FAM83B: variants seen among roughly 807,000 people sequenced by gnomAD.
The protein encoded by FAM83B is scaffolding CK1 anchoring protein B, also known as protein FAM83B.
A neutral mutation model predicts 38.8 loss-of-function variants in FAM83B; 26 were observed. That is an observed-to-expected ratio of 0.67 (90% CI 0.49 to 0.93). FAM83B has a LOEUF of 0.93. Ranked by LOEUF, FAM83B falls within the 40% of genes least tolerant of loss-of-function variation. FAM83B has a pLI of 0.00. For missense variants in FAM83B, 1,237 were observed against 1,197.3 expected, an observed-to-expected ratio of 1.03 and a Z score of -0.49; for synonymous variants, 419 against 423.1, an observed-to-expected ratio of 0.99 and a Z score of 0.12.
At position 54,941,213 on chromosome 6, in the gene FAM83B, A is replaced by G. The variant is rs1773680091; in HGVS notation, c.2242A>G (p.Lys748Glu). ...VSIAALLDVNKEESNKELASK... is the reference protein window; with the variant it reads ...VSIAALLDVNEEESNKELASK... ...CATTGCTGCTTTACTTGATGTGAAT[A>G]AAGAGGAATCTAACAAAGAACTTGC... is the stretch of plus-strand genomic sequence containing the variant. Residue 748 changes from lysine to glutamate, a missense_variant, in exon 5 of 5, where the codon AAA becomes GAA. Lys to Glu is a moderately conservative substitution (Grantham distance 56). Coordinates refer to ENST00000306858, the MANE Select transcript of FAM83B (RefSeq NM_001010872.3). 15 of 1,614,038 alleles carry G rather than the reference A, an allele frequency of 9.3e-6. No homozygotes were observed. Among genetic ancestry groups the G allele is most frequent in the Non-Finnish European group, 1.1e-5 (13 of 1,179,978 alleles).
chr6:54,939,030 T>C (rs1773593007), intron 4 of FAM83B, among the ~76,000 whole-genome samples: 1 of 152,100 alleles, frequency 6.6e-6, no homozygotes, highest in South Asian at 2.1e-4. Context: ...CTTGAGTCGA[T>C]TTTTGCTTAA....
At chr6:54,896,190 A>G (rs960788945) in intron 2 of FAM83B, among the ~76,000 whole-genome samples, 1 of 152,162 alleles carries the variant, frequency 6.6e-6, no homozygotes. Flanking sequence ...GTGCCTGGCA[A>G]CATGGCATAG....
At chr6:54,922,899 G>T (rs1773201930) in intron 2 of FAM83B, among the ~76,000 whole-genome samples, 1 of 151,514 alleles carries the variant, frequency 6.6e-6, no homozygotes. Context: ...TACAATTTTT[G>T]TTTTCTGGTC....
intron 1 of FAM83B, among the ~76,000 whole-genome samples, chr6:54,853,409 C>T (rs1771360486): frequency 6.6e-6 from 1 of 152,108 alleles, no homozygotes. Flanking sequence ...TGCCTGGTTT[C>T]AAAGCTTCAA....
At chr6:54,887,035 A>T (rs1213789620) in intron 2 of FAM83B, among the ~76,000 whole-genome samples, 3 of 152,162 alleles carry the variant, frequency 2.0e-5, no homozygotes, top group Non-Finnish European at 4.4e-5. Context: ...TTTTATTTGA[A>T]TTATACTGTG....
intron 2 of FAM83B, among the ~76,000 whole-genome samples, chr6:54,925,347 G>A (rs1427699249): frequency 6.6e-6 from 1 of 152,068 alleles, no homozygotes; most frequent in Non-Finnish European, 1.5e-5. Context: ...CCACTAGAAT[G>A]TAAGCTTCAT....
intron 1 of FAM83B, among the ~76,000 whole-genome samples, chr6:54,847,392 T>A (rs1480187810): frequency 6.6e-6 from 1 of 151,604 alleles, no homozygotes; most frequent in African/African-American, 2.4e-5. Flanking sequence ...CTCTTAATTG[T>A]ACAGGATCCC....
chr6:54,879,754 C>A (rs1772082066), intron 2 of FAM83B, among the ~76,000 whole-genome samples: 1 of 152,092 alleles, frequency 6.6e-6, no homozygotes, highest in Non-Finnish European at 1.5e-5. Flanking sequence ...GTTGTGAAAT[C>A]TGATTTTGGA....
Position 54,871,611 on chromosome 6 carries a change from C to T in FAM83B, c.444+921C>T, listed in dbSNP as rs1258659785. Among the ~76,000 whole-genome samples the T allele has an allele frequency of 2.0e-5, 3 of 146,840 alleles. No homozygotes were observed. In the South Asian group the frequency reaches 6.4e-4, roughly 31 times the overall value. ...AATAATAATAAGCCGGATGTGGTGGCGAGTGCTTATAGTCCCAGCTAGTCA... is the reference window on the plus strand; with the variant it reads ...AATAATAATAAGCCGGATGTGGTGGTGAGTGCTTATAGTCCCAGCTAGTCA... On this transcript the variant is annotated intron_variant, in intron 2 of 4. Transcript: ENST00000306858.
chr6:54,918,518 C>A (rs1387357327), intron 2 of FAM83B, among the ~76,000 whole-genome samples: 1 of 152,118 alleles, frequency 6.6e-6, no homozygotes, highest in Non-Finnish European at 1.5e-5. Context: ...CAAACATGTC[C>A]TCTTCACATG....
At position 54,856,236 on chromosome 6, in the gene FAM83B, C is replaced by T. The variant is rs144134852; in HGVS notation, c.-61+9410C>T. On this transcript the variant is annotated intron_variant, in intron 1 of 4. Coordinates refer to ENST00000306858, the MANE Select transcript of FAM83B (RefSeq NM_001010872.3). ...ACACCCATATGTAAATTGTGCAGAG[C>T]GATAAGTCAACCAGTGATAGCTGCA... Among the ~76,000 whole-genome samples, 9 of 152,258 alleles carry T rather than the reference C, an allele frequency of 5.9e-5. 1 individual carries two copies. The South Asian group carries it at 8.3e-4, about 14-fold the overall frequency.
Position 54,925,902 on chromosome 6 carries a change from C to A in FAM83B, c.445-469C>A, listed in dbSNP as rs989666652. 2.0e-5 allele frequency among the ~76,000 whole-genome samples: 3 copies of A among 152,152 alleles called. No homozygotes were observed. The South Asian group carries it at 6.2e-4, about 31-fold the overall frequency. ...CATCTTATACTCTTTCTCCATCTTT[C>A]ATCCTTTCCTAGGTATATTTCTATT... On this transcript the variant is annotated intron_variant, in intron 2 of 4. Coordinates refer to ENST00000306858, the MANE Select transcript of FAM83B (RefSeq NM_001010872.3).
At chr6:54,939,573 C>T (rs747518231) in intron 4 of FAM83B, 133 bp from the exon 5 acceptor site, 114 of 825,058 alleles carry the variant, frequency 1.4e-4, no homozygotes, top group Non-Finnish European at 1.3e-4. Flanking sequence ...CATGTAATGA[C>T]GGAAAATATT....
intron 2 of FAM83B, among the ~76,000 whole-genome samples, chr6:54,888,994 A>G (rs575805948): frequency 9.2e-5 from 14 of 152,148 alleles, no homozygotes; most frequent in African/African-American, 3.4e-4. Context: ...TATTTTCTAC[A>G]TAGATATCTT....
Position 54,926,509 on chromosome 6 carries a change from C to A in FAM83B, c.583C>A (p.Gln195Lys). Residue 195 changes from glutamine to lysine, a missense_variant, in exon 3 of 5, where the codon CAA becomes AAA. By Grantham distance (53) the Gln-to-Lys change is moderately conservative. Transcript: ENST00000306858. ...FNHFLNMTEKQGCSVQRLRNI... is the reference protein window; with the variant it reads ...FNHFLNMTEKKGCSVQRLRNI... ...TCATTTTCTAAATATGACTGAGAAA[C>A]AAGGTTGTTCAGTTCAGCGTCTCAG... 6.3e-7 allele frequency: 1 copy of A among 1,599,966 alleles called. No homozygotes were observed. Among genetic ancestry groups the A allele is most frequent in the South Asian group, 1.1e-5 (1 of 89,100 alleles).
intron 2 of FAM83B, among the ~76,000 whole-genome samples, chr6:54,887,424 G>A (rs1772304870): frequency 6.6e-6 from 1 of 152,146 alleles, no homozygotes; most frequent in African/African-American, 2.4e-5. Flanking sequence ...TGTATTCCGA[G>A]GGATGACTCT....
chr6:54,906,467 C>T (rs931651635), intron 2 of FAM83B, among the ~76,000 whole-genome samples: 3 of 152,100 alleles, frequency 2.0e-5, no homozygotes, highest in Non-Finnish European at 4.4e-5. Context: ...TCACTGCAAC[C>T]CCTGCCTCCT....
chr6:54,859,182 C>T (rs1469093543), intron 1 of FAM83B, among the ~76,000 whole-genome samples: 1 of 151,994 alleles, frequency 6.6e-6, no homozygotes, highest in Non-Finnish European at 1.5e-5. Flanking sequence ...CTGCCGCAGC[C>T]TCCTGAGTAG....
intron 2 of FAM83B, among the ~76,000 whole-genome samples, chr6:54,881,162 A>T (rs1772123684): frequency 6.6e-6 from 1 of 152,216 alleles, no homozygotes; most frequent in Non-Finnish European, 1.5e-5. Context: ...ACTAGATGGC[A>T]GTCTGCTTTT....
Sources: allele counts gnomAD v4.1 joint callset (sites outside exome capture counted in the v4.1 genomes callset), GRCh38; gene constraint gnomAD v4.1.1; transcripts MANE v1.5; gene names NCBI Gene and HGNC (gene_info 2026-07-23, HGNC 2026-07-21).